Variants in ITGA1 observed in about 807,000 individuals in gnomAD.
ITGA1 encodes the protein integrin subunit alpha 1.
Under a neutral mutation model 145.9 loss-of-function variants are expected in ITGA1, and 85 were observed. That is an observed-to-expected ratio of 0.58 (90% CI 0.49 to 0.70). The LOEUF (loss-of-function observed/expected upper bound fraction) is 0.70, where lower values mean the gene tolerates loss of function less well. Ranked by LOEUF, ITGA1 falls within the 30% of genes least tolerant of loss-of-function variation. The pLI, the probability that ITGA1 is intolerant of heterozygous loss-of-function variation, is 0.00. For synonymous variants in ITGA1, 520 were observed against 495.3 expected (o/e 1.05, Z -0.66); for missense variants, 1,351 against 1,418.7 (o/e 0.95, Z 0.77).
intron 23 of ITGA1, among the ~76,000 whole-genome samples, chr5:52,934,445 A>AT (rs1185940413): frequency 2.0e-5 from 3 of 151,690 alleles, no homozygotes; most frequent in Middle Eastern, 3.4e-3. Flanking sequence ...TGTCTTGGCA[A>AT]TTTTTTTTAC....
intron 1 of ITGA1, among the ~76,000 whole-genome samples, chr5:52,832,998 C>T (rs907458482): frequency 6.6e-6 from 1 of 151,610 alleles, no homozygotes; most frequent in Non-Finnish European, 1.5e-5. Flanking sequence ...TCGAGACCAG[C>T]CTGGCCAACA....
At chr5:52,838,805 CACA>C (rs1407356026) in intron 1 of ITGA1, among the ~76,000 whole-genome samples, 1 of 152,078 alleles carries the variant, frequency 6.6e-6, no homozygotes, top group Non-Finnish European at 1.5e-5. Flanking sequence ...TCTAAATAAT[CACA>C]ACATTGAGTC....
At chr5:52,939,287 A>AT (rs1554047783) in intron 24 of ITGA1, among the ~76,000 whole-genome samples, 1 of 151,422 alleles carries the variant, frequency 6.6e-6, no homozygotes, top group Non-Finnish European at 1.5e-5. Flanking sequence ...GATTAAGGTA[A>AT]TAATGAATGT....
chr5:52,864,866 AATG>A lies in ITGA1; in HGVS notation c.384+18_384+20del. On this transcript the variant is annotated intron_variant, in intron 4 of 28. Coordinates refer to ENST00000282588, the MANE Select transcript of ITGA1 (RefSeq NM_181501.2). ...GAGGATTTCTGGTAAGAATGGAGAG[AATG>A]ATATTTATTGACAACAGATATGCTA... is the stretch of plus-strand genomic sequence containing the variant. 6.3e-7 allele frequency: 1 copy of A among 1,581,918 alleles called. No homozygotes were observed. The highest frequency in any genetic ancestry group is 8.7e-7 in the Non-Finnish European group (1 of 1,151,860).
At chr5:52,905,019 G>T (rs1347538027) in intron 11 of ITGA1, 1 of 151,940 alleles carries the variant, frequency 6.6e-6, no homozygotes, top group Admixed American at 6.6e-5. Flanking sequence ...ACAAAGCCTG[G>T]GACAGTTTCA....
chr5:52,897,116 A>G (rs1357926337), intron 9 of ITGA1, among the ~76,000 whole-genome samples: 1 of 152,140 alleles, frequency 6.6e-6, no homozygotes, highest in Non-Finnish European at 1.5e-5. Context: ...GGAATTTCCT[A>G]CTGTAGTACA....
At chr5:52,883,775 T>G (rs1392731407) in intron 7 of ITGA1, among the ~76,000 whole-genome samples, 2 of 152,162 alleles carry the variant, frequency 1.3e-5, no homozygotes, top group Non-Finnish European at 2.9e-5. Context: ...TGCAGGAAAG[T>G]CAATGCTTAG....
chr5:52,832,344 G>T (rs567804455), intron 1 of ITGA1, among the ~76,000 whole-genome samples: 1 of 152,226 alleles, frequency 6.6e-6, no homozygotes, highest in Non-Finnish European at 1.5e-5. Context: ...TCCTGGACTT[G>T]TCAGCTGTGG....
intron 26 of ITGA1, among the ~76,000 whole-genome samples, chr5:52,942,163 T>C (rs1256814626): frequency 6.6e-6 from 1 of 152,184 alleles, no homozygotes; most frequent in Non-Finnish European, 1.5e-5. Flanking sequence ...TATCATACTG[T>C]TTTGATTACC....
At chr5:52,940,334 C>A (rs909552438) in intron 26 of ITGA1, among the ~76,000 whole-genome samples, 1 of 152,054 alleles carries the variant, frequency 6.6e-6, no homozygotes, top group African/African-American at 2.4e-5. Flanking sequence ...TAACATATAC[C>A]ATAGACTTAC....
chr5:52,910,142 C>G lies in ITGA1; in HGVS notation c.1600-20C>G. 1 of 1,593,320 alleles carries G rather than the reference C, an allele frequency of 6.3e-7. No individual in the cohort carries two copies. Among genetic ancestry groups the G allele is most frequent in the East Asian group, 2.3e-5 (1 of 44,384 alleles). The stretch of plus-strand genomic sequence containing the variant: ...AGTAATGATGGAAATACATAAATAT[C>G]CTGTTTATCTTTCTTCCAGACAAGG... On this transcript the variant is annotated intron_variant, in intron 13 of 28. Coordinates refer to ENST00000282588, the MANE Select transcript of ITGA1 (RefSeq NM_181501.2).
chr5:52,910,731 ATATAG>A (rs1201008278), intron 14 of ITGA1, among the ~76,000 whole-genome samples: 1 of 146,778 alleles, frequency 6.8e-6, no homozygotes, highest in Non-Finnish European at 1.5e-5. Context: ...TATAGTGTGT[ATATAG>A]TATGTATAGT....
In ITGA1 at chr5:52,957,593, T is replaced by G. The variant is rs1485149548; in HGVS notation, c.*5142T>G. ...CTGGGCAGTAGGAGCCAGAGCCAAT[T>G]TGCAGGATCTCTTTTCCTTCTGCCT... On this transcript the variant is annotated 3_prime_UTR_variant, in exon 29 of 29. Transcript: ENST00000282588. 1 of 152,212 alleles carries G rather than the reference T, an allele frequency of 6.6e-6. No homozygotes were observed. The highest frequency in any genetic ancestry group is 1.5e-5 in the Non-Finnish European group (1 of 68,066). The allele number at this position is 152,212 out of a possible 1,614,324, so 9.4% of individuals were successfully genotyped here. A position where few individuals can be genotyped will look rare whatever the true frequency, so the allele number is the denominator to read the frequency against.
intron 1 of ITGA1, among the ~76,000 whole-genome samples, chr5:52,823,716 A>T (rs1443710415): frequency 6.6e-6 from 1 of 152,218 alleles, no homozygotes; most frequent in East Asian, 1.9e-4. Flanking sequence ...CCCAACGGAG[A>T]CTGAGAAAGC....
At position 52,821,985 on chromosome 5, in the gene ITGA1, T is replaced by G. The variant is rs755128969; in HGVS notation, c.62-27380T>G. On this transcript the variant is annotated intron_variant, in intron 1 of 28. Coordinates refer to ENST00000282588, the MANE Select transcript of ITGA1 (RefSeq NM_181501.2). ...AAGATTGCTTTTAGGAATGAATATA[T>G]CACATTATAATAGAAATATCTGTTT... Among the ~76,000 whole-genome samples the G allele has an allele frequency of 3.6e-4, 55 of 152,334 alleles. No individual in the cohort carries two copies. In the Middle Eastern group the frequency reaches 0.017, roughly 47 times the overall value.
intron 7 of ITGA1, among the ~76,000 whole-genome samples, chr5:52,887,420 G>T (rs1003937693): frequency 6.6e-6 from 1 of 152,144 alleles, no homozygotes; most frequent in Non-Finnish European, 1.5e-5. Context: ...TCTGCTAGAC[G>T]CAGAAGAAAA....
Position 52,845,752 on chromosome 5 carries a change from A to C in ITGA1, c.62-3613A>C, listed in dbSNP as rs372962030. On this transcript the variant is annotated intron_variant, in intron 1 of 28. Transcript: ENST00000282588. ...GTATAAAGGATAGCCCCTTATAACA[A>C]GAATTTTCTGACCCAAATGTGAATA... 7.9e-5 allele frequency among the ~76,000 whole-genome samples: 12 copies of C among 152,328 alleles called. No homozygotes were observed. In the South Asian group the frequency reaches 2.3e-3, roughly 29 times the overall value.
chr5:52,925,825 G>A (rs1049386986), intron 19 of ITGA1, among the ~76,000 whole-genome samples: 1 of 152,038 alleles, frequency 6.6e-6, no homozygotes, highest in Non-Finnish European at 1.5e-5. Context: ...CGTACAGAGA[G>A]GTACCTCTGT....
At chr5:52,847,804 C>T (rs1388486451) in intron 1 of ITGA1, among the ~76,000 whole-genome samples, 2 of 152,238 alleles carry the variant, frequency 1.3e-5, no homozygotes, top group African/African-American at 2.4e-5. Context: ...ATCCACCCAC[C>T]TCTCAAAGTG....
Sources: gnomAD v4.1 joint callset for allele counts (sites outside exome capture counted in the v4.1 genomes callset) on GRCh38, gnomAD v4.1.1 for gene constraint, MANE v1.5 for transcripts, NCBI Gene and HGNC (gene_info 2026-07-23, HGNC 2026-07-21) for gene names.